Variants in COMMD1 observed in about 807,000 individuals in gnomAD.
COMMD1 encodes the protein copper metabolism domain containing 1.
Under a neutral mutation model 17.2 loss-of-function variants are expected in COMMD1, and 10 were observed. That is an observed-to-expected ratio of 0.58 (90% confidence interval 0.36 to 0.99). COMMD1 has a LOEUF of 0.99. COMMD1 is among the 50% of genes least tolerant of loss of function. The pLI, the probability that COMMD1 is intolerant of heterozygous loss-of-function variation, is 0.01. For missense variants in COMMD1, 270 were observed against 231.8 expected (o/e 1.17, Z -1.07); for synonymous variants, 97 against 91.6 (o/e 1.06, Z -0.34).
intron 2 of COMMD1, among the ~76,000 whole-genome samples, chr2:62,076,826 T>C (rs1484287132): frequency 6.6e-6 from 1 of 151,882 alleles, no homozygotes; most frequent in East Asian, 1.9e-4. Context: ...AAGTGGCTTG[T>C]TGAGTATTTA....
intron 1 of COMMD1, among the ~76,000 whole-genome samples, chr2:61,989,724 A>G (rs552230822): frequency 6.6e-6 from 1 of 152,256 alleles, no homozygotes; most frequent in African/African-American, 2.4e-5. Flanking sequence ...TCGGCCTCCC[A>G]AAGTGCTGGG....
intron 2 of COMMD1, among the ~76,000 whole-genome samples, chr2:62,075,710 G>T (rs570886882): frequency 6.6e-6 from 1 of 152,254 alleles, no homozygotes; most frequent in African/African-American, 2.4e-5. Flanking sequence ...CTCCCACCCC[G>T]TTCTGAGAGC....
chr2:62,095,097 C>T (rs1671963618), intron 2 of COMMD1, among the ~76,000 whole-genome samples: 1 of 152,214 alleles, frequency 6.6e-6, no homozygotes, highest in African/African-American at 2.4e-5. Flanking sequence ...AGGAGTTTTG[C>T]TTCTTCTGCA....
chr2:61,968,957 T>C, intron 1 of COMMD1: 1 of 326,596 alleles, frequency 3.1e-6, no homozygotes, highest in Non-Finnish European at 6.3e-6. Flanking sequence ...TTTTTTTTTT[T>C]TTTTTTTAAA....
At chr2:62,105,067 G>A (rs931272967) in intron 2 of COMMD1, among the ~76,000 whole-genome samples, 90 of 151,150 alleles carry the variant, frequency 6.0e-4, no homozygotes, top group African/African-American at 2.1e-3. Flanking sequence ...GGAGGTTGCG[G>A]TAAGCTGAGA....
intron 1 of COMMD1, among the ~76,000 whole-genome samples, chr2:62,000,437 A>G (rs894259637): frequency 3.3e-5 from 5 of 151,630 alleles, no homozygotes; most frequent in African/African-American, 1.2e-4. Context: ...TTGCATATAT[A>G]CCACGCACAA....
chr2:62,125,300 A>G (rs1395330383), intron 2 of COMMD1, among the ~76,000 whole-genome samples: 1 of 152,204 alleles, frequency 6.6e-6, no homozygotes, highest in Non-Finnish European at 1.5e-5. Flanking sequence ...TGCAGACTCT[A>G]TCTTAGTCCC....
intron 2 of COMMD1, among the ~76,000 whole-genome samples, chr2:62,057,332 A>G (rs1020630765): frequency 1.3e-5 from 2 of 152,298 alleles, no homozygotes; most frequent in African/African-American, 4.8e-5. Flanking sequence ...ATATCCATAT[A>G]TATGTGCATA....
chr2:62,097,675 A>G (rs1197879935), intron 2 of COMMD1, among the ~76,000 whole-genome samples: 1 of 152,200 alleles, frequency 6.6e-6, no homozygotes, highest in Non-Finnish European at 1.5e-5. Flanking sequence ...TCCTAATTAA[A>G]ATTGAAAGGG....
intron 2 of COMMD1, among the ~76,000 whole-genome samples, chr2:62,047,167 A>T (rs1333007861): frequency 6.6e-6 from 1 of 152,220 alleles, no homozygotes; most frequent in Non-Finnish European, 1.5e-5. Context: ...TCTCATACAC[A>T]GTCATGTATC....
Position 62,095,807 on chromosome 2 carries a change from C to CATATATATATATATAT in COMMD1, c.463-40010_463-40009insATATATATATATATAT, listed in dbSNP as rs143205759. On this transcript the variant is annotated intron_variant, in intron 2 of 2. Coordinates refer to ENST00000311832, the MANE Select transcript of COMMD1 (RefSeq NM_152516.4). ...TTGTGTAGTCAAGTTTCACAGCATGCATATATATATATATGCATATCAGGG... is the reference window on the plus strand; with the variant it reads ...TTGTGTAGTCAAGTTTCACAGCATGCATATATATATATATATATATATATATATATGCATATCAGGG... 2.7e-3 allele frequency among the ~76,000 whole-genome samples: 183 copies of CATATATATATATATAT among 67,938 alleles called. 34 individuals carry two copies. Among genetic ancestry groups the CATATATATATATATAT allele is most frequent in the Middle Eastern group, 0.021 (3 of 146 alleles). The allele number at this position is 67,938 out of a possible 152,430, so 44.6% of individuals were successfully genotyped here. A position where few individuals can be genotyped will look rare whatever the true frequency, so the allele number is the denominator to read the frequency against.
At chr2:61,908,133 A>G (rs1041901304) in intron 1 of COMMD1, among the ~76,000 whole-genome samples, 7 of 152,080 alleles carry the variant, frequency 4.6e-5, no homozygotes, top group African/African-American at 1.4e-4. Context: ...CACACTGATT[A>G]GTCTGAGGAA....
intron 1 of COMMD1, among the ~76,000 whole-genome samples, chr2:61,991,402 A>G (rs1452960879): frequency 6.6e-6 from 1 of 152,198 alleles, no homozygotes; most frequent in East Asian, 1.9e-4. Flanking sequence ...TACAGTATGA[A>G]TGCTTGTTGG....
At chr2:62,117,138 A>T (rs1487421662) in intron 2 of COMMD1, among the ~76,000 whole-genome samples, 1 of 152,086 alleles carries the variant, frequency 6.6e-6, no homozygotes, top group Non-Finnish European at 1.5e-5. Flanking sequence ...GGAATAAGAG[A>T]CCACCTTGCC....
chr2:62,091,461 G>A (rs181461677), intron 2 of COMMD1, among the ~76,000 whole-genome samples: 1 of 152,346 alleles, frequency 6.6e-6, no homozygotes, highest in African/African-American at 2.4e-5. Context: ...TATACTGATG[G>A]CATTTGTACA....
chr2:62,009,548 G>A (rs2103826506), intron 2 of COMMD1, among the ~76,000 whole-genome samples: 1 of 149,956 alleles, frequency 6.7e-6, no homozygotes, highest in South Asian at 2.1e-4. Context: ...AGGTTGCAGT[G>A]AGGCAAGATC....
At chr2:61,912,700 A>C (rs1029402129) in intron 1 of COMMD1, among the ~76,000 whole-genome samples, 1 of 149,578 alleles carries the variant, frequency 6.7e-6, no homozygotes, top group Non-Finnish European at 1.5e-5. Flanking sequence ...GTGCCACTGC[A>C]CTCCAGCCTG....
intron 2 of COMMD1, among the ~76,000 whole-genome samples, chr2:62,133,511 G>GT (rs1208092075): frequency 6.6e-6 from 1 of 151,020 alleles, no homozygotes; most frequent in African/African-American, 2.4e-5. Flanking sequence ...TTTGCTGATG[G>GT]TAAGTATTTT....
In COMMD1 at chr2:61,985,411, T is replaced by C. The variant is rs79979584; in HGVS notation, c.181-15290T>C. 7.3e-3 allele frequency among the ~76,000 whole-genome samples: 1,110 copies of C among 152,328 alleles called. 5 individuals carry two copies. The highest frequency in any genetic ancestry group is 0.011 in the Non-Finnish European group (780 of 68,030). On this transcript the variant is annotated intron_variant, in intron 1 of 2. Transcript: ENST00000311832. ...AGGCTACAGATCATTGGATCTTGTT[T>C]TTTTATCCATTCAGCCACTCTGTGT...
Sources: gnomAD v4.1 joint callset for allele counts (sites outside exome capture counted in the v4.1 genomes callset) on GRCh38, gnomAD v4.1.1 for gene constraint, MANE v1.5 for transcripts, NCBI Gene and HGNC (gene_info 2026-07-23, HGNC 2026-07-21) for gene names.